Variants in SCMH1 observed in about 807,000 individuals in gnomAD.
SCMH1 encodes the protein Scm polycomb group protein homolog 1.
Under a neutral mutation model 70.8 loss-of-function variants are expected in SCMH1, and 37 were observed. The ratio of observed to expected loss-of-function variants is 0.52; its 90% CI spans 0.40 to 0.69. The LOEUF (loss-of-function observed/expected upper bound fraction) is 0.69. Ranked by LOEUF, SCMH1 falls within the 30% of genes least tolerant of loss-of-function variation. The probability of loss-of-function intolerance (pLI) is 0.00; values close to 1 mark genes in which losing one functional copy is unlikely to be tolerated. For synonymous variants in SCMH1, 292 were observed against 307.4 expected (o/e 0.95, Z 0.52); for missense variants, 607 against 827.3 (o/e 0.73, Z 3.27).
intron 1 of SCMH1, among the ~76,000 whole-genome samples, chr1:41,225,315 G>A (rs1660049866): frequency 6.6e-6 from 1 of 152,150 alleles, no homozygotes; most frequent in Non-Finnish European, 1.5e-5. Context: ...TCCCCAAAGT[G>A]GGGAGAAGTG....
intron 6 of SCMH1, among the ~76,000 whole-genome samples, chr1:41,127,485 C>T (rs899680836): frequency 3.9e-5 from 6 of 152,272 alleles, no homozygotes; most frequent in South Asian, 2.1e-4. Context: ...CTCTAATCCA[C>T]GTGCAGTTTA....
chr1:41,090,810 C>T (rs537635862), intron 8 of SCMH1, among the ~76,000 whole-genome samples: 17 of 152,130 alleles, frequency 1.1e-4, no homozygotes, highest in East Asian at 7.7e-4. Context: ...GAGGCTGAGG[C>T]GGGTGGATCA....
intron 4 of SCMH1, chr1:41,159,806 TTAGAG>T (rs1376024517): frequency 9.6e-5 from 142 of 1,480,880 alleles, no homozygotes; most frequent in Middle Eastern, 7.4e-4. Context: ...GATTTGACTT[TTAGAG>T]TAAAGTCTGA....
intron 1 of SCMH1, among the ~76,000 whole-genome samples, chr1:41,224,697 G>C (rs1659927859): frequency 1.3e-5 from 2 of 152,062 alleles, no homozygotes; most frequent in Non-Finnish European, 2.9e-5. Flanking sequence ...TAATTTAACT[G>C]GTGTAAAGTC....
intron 1 of SCMH1, among the ~76,000 whole-genome samples, chr1:41,200,513 TAATATA>T (rs1021470988): frequency 3.4e-5 from 5 of 145,948 alleles, no homozygotes; most frequent in Non-Finnish European, 7.5e-5. Flanking sequence ...ATAATAATAA[TAATATA>T]ATAATAATAA....
At chr1:41,098,476 C>A (rs942015119) in intron 8 of SCMH1, among the ~76,000 whole-genome samples, 1 of 152,164 alleles carries the variant, frequency 6.6e-6, no homozygotes, top group Non-Finnish European at 1.5e-5. Flanking sequence ...ACTGTTACTG[C>A]CTCAATTTAT....
intron 1 of SCMH1, among the ~76,000 whole-genome samples, chr1:41,203,163 C>A (rs866522298): frequency 2.0e-5 from 3 of 152,068 alleles, no homozygotes; most frequent in Middle Eastern, 3.4e-3. Context: ...ATCTGGTATA[C>A]ATTTACACTT....
At chr1:41,149,750 A>G (rs1644897414) in intron 5 of SCMH1, among the ~76,000 whole-genome samples, 1 of 152,238 alleles carries the variant, frequency 6.6e-6, no homozygotes, top group Admixed American at 6.5e-5. Flanking sequence ...CTTCCTGAGT[A>G]TCATACCCAG....
At chr1:41,232,184 C>T (rs1661434592) in intron 1 of SCMH1, among the ~76,000 whole-genome samples, 2 of 152,066 alleles carry the variant, frequency 1.3e-5, no homozygotes, top group Non-Finnish European at 2.9e-5. Flanking sequence ...GGAAGAAACC[C>T]TATCTTATTC....
At chr1:41,035,292 C>A (rs928356897) in intron 13 of SCMH1, among the ~76,000 whole-genome samples, 5 of 152,196 alleles carry the variant, frequency 3.3e-5, no homozygotes, top group Non-Finnish European at 7.3e-5. Flanking sequence ...CCCCTTCCTC[C>A]CAGCTCTTGC....
chr1:41,037,253 C>A, intron 13 of SCMH1, 109 bp downstream of exon 13: 1 of 1,128,124 alleles, frequency 8.9e-7, no homozygotes, highest in Non-Finnish European at 1.3e-6. Flanking sequence ...AGTCCCACCA[C>A]CAGGCAGAGG....
At chr1:41,192,447 A>G (rs1651929548) in intron 1 of SCMH1, among the ~76,000 whole-genome samples, 1 of 151,784 alleles carries the variant, frequency 6.6e-6, no homozygotes, top group African/African-American at 2.4e-5. Context: ...CAAAATAAAG[A>G]CAATAATAGC....
intron 9 of SCMH1, among the ~76,000 whole-genome samples, chr1:41,073,663 C>T (rs1368246666): frequency 6.6e-6 from 1 of 151,496 alleles, no homozygotes; most frequent in African/African-American, 2.4e-5. Context: ...TCCATCCTTC[C>T]ATCCATGTAC....
intron 1 of SCMH1, among the ~76,000 whole-genome samples, chr1:41,216,102 G>A (rs1373813317): frequency 6.6e-6 from 1 of 152,180 alleles, no homozygotes; most frequent in Non-Finnish European, 1.5e-5. Flanking sequence ...TTATTAATGA[G>A]CTCAGTAAAA....
chr1:41,181,239 A>C (rs548642926), intron 2 of SCMH1, among the ~76,000 whole-genome samples: 2 of 152,354 alleles, frequency 1.3e-5, no homozygotes, highest in East Asian at 3.9e-4. Context: ...TAAACCCATA[A>C]AAACCCTAGA....
At chr1:41,208,442 A>AAT (rs1553178514) in intron 1 of SCMH1, among the ~76,000 whole-genome samples, 56 of 142,352 alleles carry the variant, frequency 3.9e-4, no homozygotes, top group Non-Finnish European at 2.1e-4. Context: ...AATTAAAAAA[A>AAT]AAAAATAAAA....
intron 13 of SCMH1, 116 bp from the exon 14 acceptor site, chr1:41,034,164 G>C (rs552203867): frequency 7.1e-7 from 1 of 1,408,900 alleles, no homozygotes; most frequent in African/African-American, 1.5e-5. Context: ...CAAGGGAGCC[G>C]AGGCTAGAAT....
intron 1 of SCMH1, among the ~76,000 whole-genome samples, chr1:41,204,472 C>T (rs1297611482): frequency 6.6e-6 from 1 of 152,172 alleles, no homozygotes. Context: ...CCCCTACTTA[C>T]CTCTTCTACT....
chr1:41,062,585 A>G (rs938741219), intron 10 of SCMH1, among the ~76,000 whole-genome samples: 2 of 151,894 alleles, frequency 1.3e-5, no homozygotes, highest in Non-Finnish European at 2.9e-5. Flanking sequence ...CTAAAAATAC[A>G]AAAATTAGCT....
Sources: gnomAD v4.1 joint callset for allele counts (sites outside exome capture counted in the v4.1 genomes callset) on GRCh38, gnomAD v4.1.1 for gene constraint, MANE v1.5 for transcripts, NCBI Gene and HGNC (gene_info 2026-07-23, HGNC 2026-07-21) for gene names.